IPO11: variants seen among roughly 807,000 people sequenced by gnomAD.
IPO11 encodes the protein importin-11.
In IPO11, 66 loss-of-function variants were observed where a neutral mutation model predicts 143.2. That is an observed-to-expected ratio of 0.46 (90% CI 0.38 to 0.57). The LOEUF (loss-of-function observed/expected upper bound fraction) is 0.57. Ranked by LOEUF, IPO11 falls within the 20% of genes least tolerant of loss-of-function variation. The probability of loss-of-function intolerance (pLI) is 0.00; values close to 1 mark genes in which losing one functional copy is unlikely to be tolerated. For missense variants in IPO11, 1,026 were observed against 1,141.0 expected (o/e 0.90, Z 1.45); for synonymous variants, 385 against 377.8 (o/e 1.02, Z -0.22).
chr5:62,552,857 T>C (rs28539215), intron 26 of IPO11, among the ~76,000 whole-genome samples: 91,756 of 151,974 alleles, frequency 0.6, 28,080 homozygotes, highest in South Asian at 0.68. Flanking sequence ...TGTAGACATT[T>C]ATGGAGTACA....
At chr5:62,627,048 GCAATTTT>G (rs763432450) in intron 29 of IPO11, 99 bp from the exon 30 acceptor site, 77 of 934,444 alleles carry the variant, frequency 8.2e-5, no homozygotes, top group Non-Finnish European at 1.1e-4. Context: ...AGAGGCAGAA[GCAATTTT>G]GTTACTGTAG....
intron 1 of IPO11, among the ~76,000 whole-genome samples, chr5:62,432,199 T>G (rs766170782): frequency 9.9e-5 from 15 of 152,156 alleles, no homozygotes; most frequent in Non-Finnish European, 1.8e-4. Context: ...GGTACTTTAT[T>G]TATCCTGGTG....
At chr5:62,550,890 G>A (rs551837924) in intron 25 of IPO11, among the ~76,000 whole-genome samples, 4 of 151,400 alleles carry the variant, frequency 2.6e-5, no homozygotes, top group African/African-American at 7.3e-5. Context: ...CCAGGAGGCA[G>A]AGGTTGCAGT....
intron 1 of IPO11, among the ~76,000 whole-genome samples, chr5:62,427,652 T>G (rs1743806039): frequency 1.3e-5 from 2 of 152,176 alleles, no homozygotes; most frequent in South Asian, 4.1e-4. Flanking sequence ...ATGCAAAGGA[T>G]CTAGGTTGCA....
intron 29 of IPO11, among the ~76,000 whole-genome samples, chr5:62,622,089 A>T (rs142131356): frequency 6.6e-6 from 1 of 151,536 alleles, no homozygotes; most frequent in Non-Finnish European, 1.5e-5. Context: ...CCTGTTGTCT[A>T]TATTCTTTTA....
chr5:62,450,068 G>T, intron 4 of IPO11, 69 bp downstream of exon 4: 3 of 979,148 alleles, frequency 3.1e-6, no homozygotes, highest in South Asian at 1.6e-5. Flanking sequence ...TTTATATTCT[G>T]GCATTAAAAT....
At chr5:62,502,467 GTCA>G (rs1424161781) in intron 16 of IPO11, among the ~76,000 whole-genome samples, 2 of 152,016 alleles carry the variant, frequency 1.3e-5, no homozygotes, top group Admixed American at 1.3e-4. Flanking sequence ...ATGTTTATTT[GTCA>G]TCATTTAAAA....
At chr5:62,448,711 C>G (rs1744803949) in intron 3 of IPO11, among the ~76,000 whole-genome samples, 1 of 152,014 alleles carries the variant, frequency 6.6e-6, no homozygotes, top group Non-Finnish European at 1.5e-5. Context: ...CCACCATGTT[C>G]TGCTAATGTT....
chr5:62,502,643 A>G (rs1054679055), intron 16 of IPO11, among the ~76,000 whole-genome samples: 1 of 152,112 alleles, frequency 6.6e-6, no homozygotes, highest in Non-Finnish European at 1.5e-5. Flanking sequence ...AGGAAGGAAA[A>G]CATTGTTTTA....
chr5:62,546,533 C>T (rs567459347), intron 24 of IPO11, among the ~76,000 whole-genome samples: 5 of 152,066 alleles, frequency 3.3e-5, no homozygotes, highest in African/African-American at 1.2e-4. Context: ...ACCAACATGG[C>T]ACATGTATAC....
chr5:62,608,331 C>T (rs1745804763), intron 29 of IPO11, among the ~76,000 whole-genome samples: 1 of 152,216 alleles, frequency 6.6e-6, no homozygotes, highest in South Asian at 2.1e-4. Context: ...CCCTCACCCT[C>T]TCTATTTCAG....
At chr5:62,455,112 C>A (rs987430724) in intron 5 of IPO11, among the ~76,000 whole-genome samples, 2 of 152,170 alleles carry the variant, frequency 1.3e-5, no homozygotes, top group Non-Finnish European at 2.9e-5. Context: ...TTATAAAGAG[C>A]AATTTTGCTG....
intron 29 of IPO11, among the ~76,000 whole-genome samples, chr5:62,623,762 A>G (rs1366498073): frequency 6.0e-5 from 9 of 150,246 alleles, no homozygotes; most frequent in Non-Finnish European, 1.2e-4. Flanking sequence ...TTACAGGCAC[A>G]TGCCACCATG....
In IPO11 at chr5:62,480,051, TC is replaced by T. The variant is rs545960811; in HGVS notation, c.829-3049del. Among the ~76,000 whole-genome samples the T allele has an allele frequency of 2.8e-3, 431 of 152,344 alleles. 1 individual carries two copies. Among genetic ancestry groups the T allele is most frequent in the Non-Finnish European group, 5.1e-3 (347 of 68,028 alleles). ...CTGAATGGTACTGCCTAGGTTTTCT[TC>T]TAGGGTTTTTATGGTTTTAGGTCTA... On this transcript the variant is annotated intron_variant, in intron 9 of 29. Coordinates refer to ENST00000325324, the MANE Select transcript of IPO11 (RefSeq NM_016338.5).
At chr5:62,573,387 T>G (rs73108070) in intron 27 of IPO11, among the ~76,000 whole-genome samples, 2,568 of 152,324 alleles carry the variant, frequency 0.017, 67 homozygotes, top group African/African-American at 0.059. Context: ...TAATCCTATA[T>G]TCTGTTTATC....
At chr5:62,610,950 G>T (rs1347755887) in intron 29 of IPO11, among the ~76,000 whole-genome samples, 4 of 152,082 alleles carry the variant, frequency 2.6e-5, no homozygotes, top group Non-Finnish European at 5.9e-5. Flanking sequence ...TCTTAAAATG[G>T]AAAGATGTAC....
rs1302967198 is a variant in IPO11 at position 62,435,084 on chromosome 5, GTATATATGTATATATGTA to G, written c.-6-2166_-6-2149del. ...TATGTATATATATGTATATATATGT[GTATATATGTATATATGTA>G]TATATATGTATATATGTATATATGT... On this transcript the variant is annotated intron_variant, in intron 1 of 29. Transcript: ENST00000325324. 2.9e-4 allele frequency among the ~76,000 whole-genome samples: 15 copies of G among 51,718 alleles called. 1 individual carries two copies. Among genetic ancestry groups the G allele is most frequent in the South Asian group, 2.4e-3 (4 of 1,688 alleles). 33.9% of individuals were successfully genotyped at this position (51,718 alleles called of 152,430 possible).
At chr5:62,504,519 A>T in intron 16 of IPO11, 148 bp from the exon 17 acceptor site, 1 of 533,160 alleles carries the variant, frequency 1.9e-6, no homozygotes, top group South Asian at 2.8e-5. Context: ...TAAGGAGAGT[A>T]TCCCTTTATT....
chr5:62,622,449 C>T (rs1233806357), intron 29 of IPO11, among the ~76,000 whole-genome samples: 1 of 152,148 alleles, frequency 6.6e-6, no homozygotes, highest in Non-Finnish European at 1.5e-5. Flanking sequence ...GAATGGCCTA[C>T]CCTGTACCTA....
Sources: gnomAD v4.1 joint callset for allele counts (sites outside exome capture counted in the v4.1 genomes callset) on GRCh38, gnomAD v4.1.1 for gene constraint, MANE v1.5 for transcripts, NCBI Gene and HGNC (gene_info 2026-07-23, HGNC 2026-07-21) for gene names.